Variants in CDH18 observed in about 807,000 individuals in gnomAD.
The protein encoded by CDH18 is cadherin 18, also known as cadherin-18.
Under a neutral mutation model 67.9 loss-of-function variants are expected in CDH18, and 31 were observed. That is an observed-to-expected ratio of 0.46 (90% CI 0.34 to 0.62). CDH18 has a LOEUF of 0.62. Ranked by LOEUF, CDH18 falls within the 20% of genes least tolerant of loss-of-function variation. The pLI is 0.01. For missense variants in CDH18, 890 were observed against 975.5 expected (o/e 0.91, Z 1.17); for synonymous variants, 362 against 347.2 (o/e 1.04, Z -0.48).
intron 8 of CDH18, 62 bp from the exon 9 acceptor site, chr5:19,544,067 G>T: frequency 1.2e-6 from 1 of 810,322 alleles, no homozygotes; most frequent in Non-Finnish European, 1.9e-6. Flanking sequence ...ACTGAACCAA[G>T]GAAAGTATTA....
intron 6 of CDH18, among the ~76,000 whole-genome samples, chr5:19,604,594 T>G (rs2150078561): frequency 6.6e-6 from 1 of 151,092 alleles, no homozygotes; most frequent in African/African-American, 2.4e-5. Context: ...TCTGAGATTT[T>G]CCTGCATTTA....
At chr5:20,095,459 A>G (rs1010633082) in intron 2 of CDH18, among the ~76,000 whole-genome samples, 50 of 127,562 alleles carry the variant, frequency 3.9e-4, no homozygotes, top group African/African-American at 1.4e-3. Context: ...AAAGAAAGAA[A>G]GAAGAAAGAA....
chr5:19,692,204 T>C (rs948719165), intron 5 of CDH18, among the ~76,000 whole-genome samples: 1 of 152,094 alleles, frequency 6.6e-6, no homozygotes, highest in Non-Finnish European at 1.5e-5. Flanking sequence ...ACTAGACTGC[T>C]TTCTCTCACC....
intron 2 of CDH18, among the ~76,000 whole-genome samples, chr5:19,936,134 T>C (rs1243302347): frequency 1.3e-5 from 2 of 151,330 alleles, no homozygotes; most frequent in African/African-American, 2.4e-5. Flanking sequence ...CACTGAAAGT[T>C]GCCTGTGCTC....
At chr5:20,170,049 A>G (rs1315823524) in intron 2 of CDH18, among the ~76,000 whole-genome samples, 2 of 152,024 alleles carry the variant, frequency 1.3e-5, no homozygotes, top group Non-Finnish European at 2.9e-5. Context: ...GTTCTGGGAT[A>G]TATGTGCAGA....
At chr5:20,564,104 C>T (rs1758365830) in intron 1 of CDH18, among the ~76,000 whole-genome samples, 1 of 151,920 alleles carries the variant, frequency 6.6e-6, no homozygotes, top group South Asian at 2.1e-4. Flanking sequence ...TAATTATATA[C>T]TTCCACAATC....
intron 3 of CDH18, among the ~76,000 whole-genome samples, chr5:19,814,468 G>C (rs75196789): frequency 0.011 from 1,697 of 151,158 alleles, 25 homozygotes; most frequent in African/African-American, 0.039. Flanking sequence ...ATGATTATTT[G>C]TTGGTGGCTG....
At chr5:20,353,554 T>C (rs1249970288) in intron 1 of CDH18, among the ~76,000 whole-genome samples, 5 of 152,186 alleles carry the variant, frequency 3.3e-5, no homozygotes, top group African/African-American at 1.2e-4. Flanking sequence ...ACCCTAATCC[T>C]ACATATTGTA....
At chr5:19,571,465 T>C in intron 8 of CDH18, 114 bp downstream of exon 8, 1 of 946,440 alleles carries the variant, frequency 1.1e-6, no homozygotes, top group Non-Finnish European at 1.5e-6. Context: ...TTTAATTATA[T>C]TCGTAGAAAA....
At chr5:20,369,673 G>A (rs1742821821) in intron 1 of CDH18, among the ~76,000 whole-genome samples, 1 of 152,160 alleles carries the variant, frequency 6.6e-6, no homozygotes, top group South Asian at 2.1e-4. Flanking sequence ...ATCATGTCCA[G>A]TGGCCATGAG....
At chr5:20,290,851 C>T (rs1747053369) in intron 1 of CDH18, among the ~76,000 whole-genome samples, 1 of 152,058 alleles carries the variant, frequency 6.6e-6, no homozygotes, top group South Asian at 2.1e-4. Flanking sequence ...GTATGTCATT[C>T]TATGAAGCCT....
intron 1 of CDH18, among the ~76,000 whole-genome samples, chr5:20,261,841 T>A (rs557469890): frequency 1.3e-5 from 2 of 152,236 alleles, no homozygotes; most frequent in East Asian, 3.9e-4. Flanking sequence ...TGGAAAATCA[T>A]CAGCAATACA....
intron 2 of CDH18, among the ~76,000 whole-genome samples, chr5:19,924,714 C>T (rs1197115105): frequency 9.9e-5 from 15 of 152,162 alleles, no homozygotes; most frequent in Admixed American, 9.8e-4. Context: ...CAAGGTAAAA[C>T]ACCAGTGAAT....
At chr5:20,543,326 A>G (rs1418226067) in intron 1 of CDH18, among the ~76,000 whole-genome samples, 2 of 152,084 alleles carry the variant, frequency 1.3e-5, no homozygotes, top group Admixed American at 6.5e-5. Context: ...TCTCATAATT[A>G]TAACAGCAGT....
At position 19,483,396 on chromosome 5, in the gene CDH18, C is replaced by A; in HGVS notation, c.1787G>T (p.Arg596Leu). ...GGCTTCTGCATGGCAGGTCCGCACACGCCCATCTCTCTCGCATGCACAAAC... is the reference window on the plus strand; with the variant it reads ...GGCTTCTGCATGGCAGGTCCGCACAAGCCCATCTCTCTCGCATGCACAAAC... Reference protein sequence around the residue: ...IRVCACERDGRVRTCHAEAFL... With the variant: ...IRVCACERDGLVRTCHAEAFL... The change falls in exon 12 of 13, where the codon CGT becomes CTT. Residue 596 changes from arginine to leucine, a missense_variant. Arg to Leu is a moderately radical substitution (Grantham distance 102, BLOSUM62 -2). Coordinates refer to ENST00000382275, the MANE Select transcript of CDH18 (RefSeq NM_004934.5). 6.2e-7 allele frequency: 1 copy of A among 1,614,094 alleles called. No individual in the cohort carries two copies. Among genetic ancestry groups the A allele is most frequent in the Non-Finnish European group, 8.5e-7 (1 of 1,179,998 alleles).
chr5:19,568,357 G>A (rs1561365656), intron 8 of CDH18, among the ~76,000 whole-genome samples: 1 of 152,274 alleles, frequency 6.6e-6, no homozygotes, highest in East Asian at 1.9e-4. Flanking sequence ...ATGGATTAGT[G>A]CCTTTACAAG....
At chr5:19,879,897 T>A in intron 2 of CDH18, among the ~76,000 whole-genome samples, 1 of 151,960 alleles carries the variant, frequency 6.6e-6, no homozygotes, top group Non-Finnish European at 1.5e-5. Context: ...AAATACTTAT[T>A]TATATCTTTT....
chr5:20,213,882 T>G (rs1428655233), intron 2 of CDH18, among the ~76,000 whole-genome samples: 1 of 152,088 alleles, frequency 6.6e-6, no homozygotes, highest in Non-Finnish European at 1.5e-5. Context: ...CAGTCTCATT[T>G]AGTTTAGTTC....
chr5:20,340,138 C>G (rs1425756697), intron 1 of CDH18, among the ~76,000 whole-genome samples: 1 of 152,178 alleles, frequency 6.6e-6, no homozygotes, highest in Non-Finnish European at 1.5e-5. Flanking sequence ...GATGAAAATC[C>G]TTCAGCCTTT....
Sources: allele counts gnomAD v4.1 joint callset (sites outside exome capture counted in the v4.1 genomes callset), GRCh38; gene constraint gnomAD v4.1.1; transcripts MANE v1.5; gene names NCBI Gene and HGNC (gene_info 2026-07-23, HGNC 2026-07-21).